PRKN: variants seen among roughly 807,000 people sequenced by gnomAD.
PRKN encodes parkin RBR E3 ubiquitin protein ligase.
A neutral mutation model predicts 59.5 loss-of-function variants in PRKN; 56 were observed. The ratio of observed to expected loss-of-function variants is 0.94; its 90% CI spans 0.76 to 1.18. PRKN has a LOEUF of 1.18. PRKN is among the 50% of genes most tolerant of loss of function. The pLI is 0.00. For synonymous variants in PRKN, 250 were observed against 222.1 expected (o/e 1.13, Z -1.12); for missense variants, 657 against 596.4 (o/e 1.10, Z -1.06).
At chr6:162,062,343 A>G (rs1778136135) in intron 4 of PRKN, among the ~76,000 whole-genome samples, 1 of 152,218 alleles carries the variant, frequency 6.6e-6, no homozygotes, top group Admixed American at 6.5e-5. Flanking sequence ...TTCCATGTAT[A>G]TGAAATGCAG....
rs536390304 is a variant in PRKN, at chr6:161,575,872, C to T, written c.872-6456G>A. On this transcript the variant is annotated intron_variant, in intron 7 of 11. Transcript: ENST00000366898. The surrounding 1 kb of genome is among the most constrained non-coding windows in gnomAD (Gnocchi z 4.6). Reference sequence around the variant, plus strand: ...CTAAGTACAACTTAGAAAAGGAAACCGACTAACGACAAAATGGCATCAAAA... The same window carrying T: ...CTAAGTACAACTTAGAAAAGGAAACTGACTAACGACAAAATGGCATCAAAA... 6.6e-5 allele frequency among the ~76,000 whole-genome samples: 10 copies of T among 152,092 alleles called. No homozygotes were observed. Among genetic ancestry groups the T allele is most frequent in the South Asian group, 6.2e-4 (3 of 4,832 alleles).
chr6:162,321,398 C>A (rs550465104), intron 2 of PRKN, among the ~76,000 whole-genome samples: 1 of 151,914 alleles, frequency 6.6e-6, no homozygotes, highest in South Asian at 2.1e-4. Context: ...AAACCTCAAA[C>A]GAAGAAAACT....
In PRKN at chr6:161,540,083, G is replaced by A. The variant is rs1379617964; in HGVS notation, c.1083+8771C>T. On this transcript the variant is annotated intron_variant, in intron 9 of 11. Transcript: ENST00000366898. ...CAAGCTGCCTGTCTGGTGGGGGGCC[G>A]CCAGGTCTGCCCCAGCTGGACTGGA... 6.0e-4 allele frequency among the ~76,000 whole-genome samples: 92 copies of A among 152,240 alleles called. 1 individual carries two copies. The highest frequency in any genetic ancestry group is 4.0e-4 in the Non-Finnish European group (27 of 68,008).
At chr6:161,712,354 G>C (rs1200218387) in intron 7 of PRKN, among the ~76,000 whole-genome samples, 1 of 152,170 alleles carries the variant, frequency 6.6e-6, no homozygotes. Flanking sequence ...AGCTGGGTTA[G>C]GATGTTGCTA....
At chr6:161,626,953 T>A (rs1302291635) in intron 7 of PRKN, among the ~76,000 whole-genome samples, 1 of 151,956 alleles carries the variant, frequency 6.6e-6, no homozygotes, top group African/African-American at 2.4e-5. Context: ...CTTATCTAGA[T>A]CAGTTTCTTT....
chr6:162,296,104 G>A (rs1781662277), intron 2 of PRKN, among the ~76,000 whole-genome samples: 1 of 152,102 alleles, frequency 6.6e-6, no homozygotes, highest in African/African-American at 2.4e-5. Flanking sequence ...AAGCAAAAGA[G>A]AACAAGGAGG....
chr6:162,184,626 C>T (rs746002807), intron 4 of PRKN, among the ~76,000 whole-genome samples: 23 of 152,128 alleles, frequency 1.5e-4, no homozygotes, highest in Non-Finnish European at 2.8e-4. Context: ...CCTAGCCATG[C>T]GGAACTGTGA....
At position 161,447,800 on chromosome 6, in the gene PRKN, TC is replaced by T. The variant is rs1789563683; in HGVS notation, c.1084-60924del. Among the ~76,000 whole-genome samples the T allele has an allele frequency of 6.6e-6, 1 of 152,162 alleles. No homozygotes were observed. The highest frequency in any genetic ancestry group is 1.5e-5 in the Non-Finnish European group (1 of 68,024). The stretch of plus-strand genomic sequence containing the variant: ...GAGCCACCGTGGCTGGCCTCCTTTT[TC>T]TTTTAAACACATACATACATATATG... On this transcript the variant is annotated intron_variant, in intron 9 of 11. Transcript: ENST00000366898. The surrounding 1 kb of genome is among the most constrained non-coding windows in gnomAD (Gnocchi z 4.1).
chr6:161,599,299 G>C (rs1281444165), intron 7 of PRKN, among the ~76,000 whole-genome samples: 1 of 152,182 alleles, frequency 6.6e-6, no homozygotes, highest in African/African-American at 2.4e-5. Context: ...GATCCTGCTA[G>C]TGCAATGTTG....
chr6:162,643,694 T>C (rs193217943), intron 1 of PRKN, among the ~76,000 whole-genome samples: 1 of 152,252 alleles, frequency 6.6e-6, no homozygotes, highest in African/African-American at 2.4e-5. Flanking sequence ...TCATGTTTAT[T>C]TTTAGCCTAT....
chr6:161,360,247 A>G lies in PRKN; in HGVS notation c.1168-42T>C. On this transcript the variant is annotated intron_variant, in intron 10 of 11. Transcript: ENST00000366898. The surrounding 1 kb of genome is among the most constrained non-coding windows in gnomAD (Gnocchi z 5.1). The stretch of plus-strand genomic sequence containing the variant: ...GAAAGGCGTTTAATCTCAGCTTTCT[A>G]TTACTGGGATCAGAGTTTATGTTCC... 1 of 1,434,186 alleles carries G rather than the reference A, an allele frequency of 7.0e-7. No individual in the cohort carries two copies. Among genetic ancestry groups the G allele is most frequent in the Non-Finnish European group, 9.9e-7 (1 of 1,015,160 alleles). The allele number at this position is 1,434,186 out of a possible 1,614,324, so 88.8% of individuals were successfully genotyped here.
At chr6:162,111,716 A>T (rs1405053268) in intron 4 of PRKN, among the ~76,000 whole-genome samples, 1 of 151,602 alleles carries the variant, frequency 6.6e-6, no homozygotes, top group Admixed American at 6.6e-5. Flanking sequence ...AAAAAAAAAA[A>T]GGTGGAGAAA....
At chr6:161,653,271 G>A (rs1035376930) in intron 7 of PRKN, among the ~76,000 whole-genome samples, 4 of 152,182 alleles carry the variant, frequency 2.6e-5, no homozygotes, top group Non-Finnish European at 2.9e-5. Flanking sequence ...GGCTGAGGCA[G>A]GAGAATTGCT....
intron 6 of PRKN, among the ~76,000 whole-genome samples, chr6:161,891,007 G>A (rs1406579111): frequency 6.6e-6 from 1 of 152,158 alleles, no homozygotes; most frequent in Non-Finnish European, 1.5e-5. Context: ...AAGATACCCC[G>A]AGGGAGATTT....
chr6:161,984,512 A>C (rs1781365398), intron 5 of PRKN, among the ~76,000 whole-genome samples: 1 of 152,034 alleles, frequency 6.6e-6, no homozygotes, highest in Admixed American at 6.6e-5. Flanking sequence ...CCTGCCTCTC[A>C]AAGTGCTGGG....
chr6:162,078,099 T>A lies in PRKN; in HGVS notation c.535-23925A>T, dbSNP rs536763373. ...GCATATGGGATAAGTTGAAATTTGA[T>A]ATTCCATAAACCTTTGGGTCTTTTA... On this transcript the variant is annotated intron_variant, in intron 4 of 11. Coordinates refer to ENST00000366898, the MANE Select transcript of PRKN (RefSeq NM_004562.3). Among the ~76,000 whole-genome samples, 113 of 152,128 alleles carry A rather than the reference T, an allele frequency of 7.4e-4. 1 individual carries two copies. The highest frequency in any genetic ancestry group is 2.5e-3 in the African/African-American group (104 of 41,432).
chr6:161,352,771 ATTTTATTT>A lies in PRKN; in HGVS notation c.1286-2568_1286-2561del, dbSNP rs1157986024. Among the ~76,000 whole-genome samples the A allele has an allele frequency of 1.7e-5, 2 of 116,900 alleles. No individual in the cohort carries two copies. Among genetic ancestry groups the A allele is most frequent in the Non-Finnish European group, 4.0e-5 (2 of 50,488 alleles). 76.7% of individuals were successfully genotyped at this position (116,900 alleles called of 152,430 possible). A position where few individuals can be genotyped will look rare whatever the true frequency, so the allele number is the denominator to read the frequency against. Reference sequence around the variant, plus strand: ...TGTGTGTGTGTATATATATATATATATTTTATTTTATTTTATTTTATTTTTTTGAGATG... The same window carrying A: ...TGTGTGTGTGTATATATATATATATATATTTTATTTTATTTTTTTGAGATG... On this transcript the variant is annotated intron_variant, in intron 11 of 11. Transcript: ENST00000366898. This position sits in a 1 kb window ranked among gnomAD's most constrained non-coding sequence, Gnocchi z 5.8.
In PRKN at chr6:162,489,008, T is replaced by A. The variant is rs57110552; in HGVS notation, c.8-45535A>T. 2.8e-3 allele frequency among the ~76,000 whole-genome samples: 422 copies of A among 152,086 alleles called. 2 individuals are homozygous for A. Among genetic ancestry groups the A allele is most frequent in the Non-Finnish European group, 4.8e-3 (325 of 67,976 alleles). On this transcript the variant is annotated intron_variant, in intron 1 of 11. Coordinates refer to ENST00000366898, the MANE Select transcript of PRKN (RefSeq NM_004562.3). ...GGATAAGCCACCACTCCTGAAACTT[T>A]AAAGATGAGTAGGAGTTAACAATTT... is the stretch of plus-strand genomic sequence containing the variant.
At chr6:162,671,432 G>A (rs1341004759) in intron 1 of PRKN, among the ~76,000 whole-genome samples, 2 of 151,652 alleles carry the variant, frequency 1.3e-5, no homozygotes, top group East Asian at 3.9e-4. Flanking sequence ...CCGGAAGGCG[G>A]AGGATGCAGT....
Sources: gnomAD v4.1 joint callset for allele counts (sites outside exome capture counted in the v4.1 genomes callset) on GRCh38, gnomAD v4.1.1 for gene constraint, Gnocchi (gnomAD v3.1) non-coding constraint, MANE v1.5 for transcripts, NCBI Gene and HGNC (gene_info 2026-07-23, HGNC 2026-07-21) for gene names.